The following ABCD4 variants were observed in gnomAD, a reference collection of about 807,000 sequenced individuals.
ABCD4 encodes the protein lysosomal cobalamin transporter ABCD4.
ABCD4 carries 53 observed loss-of-function variants against 86.3 expected under a neutral mutation model. The ratio of observed to expected loss-of-function variants is 0.61; its 90% CI spans 0.49 to 0.77. The LOEUF is 0.77. Ranked by LOEUF, ABCD4 falls within the 30% of genes least tolerant of loss-of-function variation. The probability of loss-of-function intolerance (pLI) is 0.00; values close to 1 mark genes in which losing one functional copy is unlikely to be tolerated. For synonymous variants in ABCD4, 328 were observed against 313.6 expected, an observed-to-expected ratio of 1.05 and a Z score of -0.49; for missense variants, 757 against 764.5, an observed-to-expected ratio of 0.99 and a Z score of 0.12.
At chr14:74,301,634 T>G (rs1192552821) in intron 1 of ABCD4, among the ~76,000 whole-genome samples, 2 of 152,160 alleles carry the variant, frequency 1.3e-5, no homozygotes, top group Non-Finnish European at 2.9e-5. Context: ...CTTTATGCAC[T>G]GCCCGTCGGG....
At chr14:74,299,706 T>G in intron 2 of ABCD4, 31 bp from the exon 3 acceptor site, 1 of 1,595,168 alleles carries the variant, frequency 6.3e-7, no homozygotes, top group African/African-American at 1.3e-5. Flanking sequence ...AAGAAATCAG[T>G]GATGAGGGGT....
chr14:74,294,921 T>C, intron 7 of ABCD4: 1 of 575,260 alleles, frequency 1.7e-6, no homozygotes, highest in South Asian at 2.2e-5. Context: ...GCTAGGCCAC[T>C]AAGACTAAAG....
intron 18 of ABCD4, 22 bp from the exon 19 acceptor site, chr14:74,286,551 T>A: frequency 1.2e-6 from 2 of 1,614,210 alleles, no homozygotes; most frequent in Middle Eastern, 1.6e-4. Flanking sequence ...CACCACCACA[T>A]GGAGATCAGG....
intron 13 of ABCD4, 99 bp downstream of exon 13, chr14:74,289,928 C>A: frequency 1.9e-6 from 3 of 1,579,164 alleles, no homozygotes; most frequent in Non-Finnish European, 2.6e-6. Context: ...CACCTTTTGC[C>A]CTGACTCTAG....
chr14:74,296,023 C>T lies in ABCD4; in HGVS notation c.543-44G>A, dbSNP rs763964342. 4 of 1,555,954 alleles carry T rather than the reference C, an allele frequency of 2.6e-6. No individual in the cohort carries two copies. The South Asian group carries it at 4.9e-5, about 19-fold the overall frequency. ...GAGAGAAGGGAGAGGGTGTGGGGTG[C>T]CACCTATCCCCACATGCCTCAGCCC... is the stretch of plus-strand genomic sequence containing the variant. On this transcript the variant is annotated intron_variant, in intron 5 of 18. Coordinates refer to ENST00000356924, the MANE Select transcript of ABCD4 (RefSeq NM_005050.4).
At chr14:74,296,007 G>A (rs2082751224) in intron 5 of ABCD4, 28 bp from the exon 6 acceptor site, 1 of 1,580,180 alleles carries the variant, frequency 6.3e-7, no homozygotes, top group Non-Finnish European at 8.6e-7. Flanking sequence ...GGAGAGAAGG[G>A]AGAGGGTGTG....
At chr14:74,302,810 G>A (rs1052947914) in intron 1 of ABCD4, 65 bp downstream of exon 1, 54 of 1,494,594 alleles carry the variant, frequency 3.6e-5, no homozygotes, top group Non-Finnish European at 4.7e-5. Flanking sequence ...CGGAGGGCAG[G>A]AAAGCCCATT....
At chr14:74,301,696 C>T (rs920373868) in intron 1 of ABCD4, among the ~76,000 whole-genome samples, 1 of 149,120 alleles carries the variant, frequency 6.7e-6, no homozygotes. Context: ...CACCTGAGGT[C>T]AGGAGTTCAA....
rs368213518 is a variant in ABCD4, at chr14:74,297,924, G to A, written c.425+6C>T. 80 of 1,612,152 alleles carry A rather than the reference G, an allele frequency of 5.0e-5. No individual in the cohort carries two copies. The South Asian group carries it at 5.7e-4, about 12-fold the overall frequency. On this transcript the variant is annotated splice_donor_region_variant and intron_variant, in intron 4 of 18. Transcript: ENST00000356924. The stretch of plus-strand genomic sequence containing the variant: ...AGTGTAGAAAGGACTGAGTTGGGGC[G>A]CCTACGGGTTATCGATGTCATCCCG...
chr14:74,288,576 C>T (rs1253443076), intron 15 of ABCD4, 140 bp downstream of exon 15: 4 of 972,206 alleles, frequency 4.1e-6, no homozygotes, highest in Non-Finnish European at 6.3e-6. Context: ...ACAGCACACA[C>T]TGTCAACTGA....
chr14:74,287,343 A>G (rs74336766), intron 17 of ABCD4, among the ~76,000 whole-genome samples: 9,843 of 151,980 alleles, frequency 0.065, 1,079 homozygotes, highest in African/African-American at 0.23. Context: ...GAGTCCAGGA[A>G]CTCCAGACCA....
At chr14:74,291,711 C>A (rs1404225413) in intron 11 of ABCD4, among the ~76,000 whole-genome samples, 2 of 152,170 alleles carry the variant, frequency 1.3e-5, no homozygotes, top group Non-Finnish European at 2.9e-5. Context: ...GGAATTCAGA[C>A]TGATTTTTGA....
chr14:74,296,435 C>T lies in ABCD4; in HGVS notation c.440G>A (p.Ser147Asn). 6.2e-7 allele frequency: 1 copy of T among 1,614,058 alleles called. No individual in the cohort carries two copies. The highest frequency in any genetic ancestry group is 8.5e-7 in the Non-Finnish European group (1 of 1,180,018). Residue 147 changes from serine to asparagine, a missense_variant, in exon 5 of 19, where the codon AGC (serine) becomes AAC (asparagine). Coordinates refer to ENST00000356924, the MANE Select transcript of ABCD4 (RefSeq NM_005050.4). ...DDIDNPDQRI[S>N]QDVERFCRQL... ...CCGGCAGAATCGCTCCACGTCCTGGCTGATGCGCTGGTCCCTGGAGCCAAT... is the reference window on the plus strand; with the variant it reads ...CCGGCAGAATCGCTCCACGTCCTGGTTGATGCGCTGGTCCCTGGAGCCAAT...
At chr14:74,297,640 G>A in intron 4 of ABCD4, 3 of 962,410 alleles carry the variant, frequency 3.1e-6, no homozygotes, top group Non-Finnish European at 3.8e-6. Flanking sequence ...TGTGCTCACG[G>A]TGCACTACTC....
intron 11 of ABCD4, among the ~76,000 whole-genome samples, chr14:74,291,595 C>G (rs1477693449): frequency 1.3e-5 from 2 of 152,218 alleles, no homozygotes; most frequent in Non-Finnish European, 2.9e-5. Flanking sequence ...ACAGACCCTC[C>G]TTCATGCCCA....
chr14:74,289,031 G>T, intron 14 of ABCD4: 1 of 979,720 alleles, frequency 1.0e-6, no homozygotes, highest in South Asian at 2.6e-5. Context: ...GGAATTGCTT[G>T]AACCCGGGAG....
At chr14:74,299,945 C>T in intron 2 of ABCD4, 1 of 585,822 alleles carries the variant, frequency 1.7e-6, no homozygotes, top group Admixed American at 3.1e-5. Context: ...TGCTTGTAAT[C>T]CCAGCTACTC....
intron 1 of ABCD4, among the ~76,000 whole-genome samples, chr14:74,301,834 G>A (rs189012188): frequency 6.6e-6 from 1 of 152,248 alleles, no homozygotes; most frequent in East Asian, 1.9e-4. Flanking sequence ...CCGAGGCGGA[G>A]GTTGCAGTGA....
chr14:74,297,704 T>C, intron 4 of ABCD4: 1 of 1,239,078 alleles, frequency 8.1e-7, no homozygotes, highest in Non-Finnish European at 1.0e-6. Context: ...GGACTACAGG[T>C]GCATGCCACT....
Sources: gnomAD v4.1 joint callset for allele counts (sites outside exome capture counted in the v4.1 genomes callset) on GRCh38, gnomAD v4.1.1 for gene constraint, MANE v1.5 for transcripts, NCBI Gene and HGNC (gene_info 2026-07-23, HGNC 2026-07-21) for gene names.